Variants in NRXN3 observed in about 807,000 individuals in gnomAD.
NRXN3 encodes neurexin III.
NRXN3 carries 32 observed loss-of-function variants against 137.6 expected under a neutral mutation model. The ratio of observed to expected loss-of-function variants is 0.23; its 90% confidence interval spans 0.18 to 0.31. The LOEUF (loss-of-function observed/expected upper bound fraction) is 0.31. Among genes scored for constraint, NRXN3 ranks in the 10% least tolerant of loss-of-function variants. NRXN3 has a pLI of 1.00. For missense variants in NRXN3, 1,574 were observed against 2,062.5 expected (o/e 0.76, Z 4.59); for synonymous variants, 798 against 784.5 (o/e 1.02, Z -0.29).
intron 16 of NRXN3, among the ~76,000 whole-genome samples, chr14:79,493,049 T>C (rs1306664948): frequency 6.6e-6 from 1 of 152,232 alleles, no homozygotes; most frequent in Non-Finnish European, 1.5e-5. Flanking sequence ...GATATTGAAC[T>C]GGATCAATGG....
intron 10 of NRXN3, among the ~76,000 whole-genome samples, chr14:78,911,299 A>C (rs2099236898): frequency 6.6e-6 from 1 of 152,214 alleles, no homozygotes; most frequent in African/African-American, 2.4e-5. Context: ...GCCTTCAGAT[A>C]TCATCAACTG....
At chr14:78,930,636 C>T (rs770991011) in intron 10 of NRXN3, among the ~76,000 whole-genome samples, 1 of 152,152 alleles carries the variant, frequency 6.6e-6, no homozygotes, top group African/African-American at 2.4e-5. Flanking sequence ...ATACTTTTAT[C>T]TGCGCTGAAG....
intron 15 of NRXN3, among the ~76,000 whole-genome samples, chr14:79,265,450 G>A (rs2078321708): frequency 3.3e-5 from 5 of 151,782 alleles, no homozygotes; most frequent in Admixed American, 3.3e-4. Context: ...AGTGCCAATG[G>A]TAGCTAAAGA....
chr14:79,211,499 C>G (rs1251866222), intron 15 of NRXN3, among the ~76,000 whole-genome samples: 1 of 152,130 alleles, frequency 6.6e-6, no homozygotes, highest in Non-Finnish European at 1.5e-5. Flanking sequence ...TGAAATCTCA[C>G]AGCACAGTGA....
chr14:78,838,305 C>A (rs946999599), intron 10 of NRXN3, among the ~76,000 whole-genome samples: 9 of 152,116 alleles, frequency 5.9e-5, no homozygotes, highest in African/African-American at 2.2e-4. Flanking sequence ...AGGCTAACAA[C>A]CTCACTTAAA....
At chr14:78,323,054 A>G (rs2079584444) in intron 4 of NRXN3, among the ~76,000 whole-genome samples, 1 of 152,044 alleles carries the variant, frequency 6.6e-6, no homozygotes, top group Non-Finnish European at 1.5e-5. Flanking sequence ...ATGTTATAGG[A>G]GAGGAGATTG....
At chr14:79,523,757 G>T (rs900474801) in intron 16 of NRXN3, among the ~76,000 whole-genome samples, 16 of 152,228 alleles carry the variant, frequency 1.1e-4, no homozygotes, top group African/African-American at 3.9e-4. Context: ...TAAGGTGGTT[G>T]TATAAGTATG....
At chr14:79,250,687 T>G (rs565902990) in intron 15 of NRXN3, among the ~76,000 whole-genome samples, 1 of 152,188 alleles carries the variant, frequency 6.6e-6, no homozygotes, top group East Asian at 1.9e-4. Flanking sequence ...AACACACCTA[T>G]CAATAATTAT....
intron 14 of NRXN3, among the ~76,000 whole-genome samples, chr14:78,982,743 T>C (rs1234089993): frequency 6.6e-6 from 1 of 152,158 alleles, no homozygotes; most frequent in African/African-American, 2.4e-5. Flanking sequence ...TGGGCAAGGA[T>C]TTCTTGGATG....
At position 79,861,210 on chromosome 14, in the gene NRXN3, C is replaced by T. The variant is rs746450418; in HGVS notation, c.4094-132C>T. The T allele has an allele frequency of 2.0e-6, 3 of 1,533,526 alleles. No individual in the cohort carries two copies. The highest frequency in any genetic ancestry group is 2.4e-5 in the South Asian group (2 of 83,760). The allele number at this position is 1,533,526 out of a possible 1,614,324, so 95.0% of individuals were successfully genotyped here. On this transcript the variant is annotated intron_variant, in intron 20 of 20. Transcript: ENST00000335750. The surrounding 1 kb of genome is among the most constrained non-coding windows in gnomAD (Gnocchi z 5.4). Reference sequence around the variant, plus strand: ...TCTGAGGCGGGGTTACCTTGCTTGTCGGACCAAGGCAGCGATGGTTGTGAT... The same window carrying T: ...TCTGAGGCGGGGTTACCTTGCTTGTTGGACCAAGGCAGCGATGGTTGTGAT...
At chr14:79,606,767 C>G (rs111983962) in intron 16 of NRXN3, among the ~76,000 whole-genome samples, 1 of 152,166 alleles carries the variant, frequency 6.6e-6, no homozygotes, top group African/African-American at 2.4e-5. Flanking sequence ...TCACGGTTTT[C>G]AAGGAACTCA....
chr14:79,444,016 AC>A (rs1223264689), intron 15 of NRXN3, among the ~76,000 whole-genome samples: 1 of 152,188 alleles, frequency 6.6e-6, no homozygotes, highest in Non-Finnish European at 1.5e-5. Flanking sequence ...AGTTGTTGGC[AC>A]TGGGGGTTCA....
At chr14:79,357,060 A>G (rs2093449925) in intron 15 of NRXN3, among the ~76,000 whole-genome samples, 1 of 152,180 alleles carries the variant, frequency 6.6e-6, no homozygotes, top group Admixed American at 6.5e-5. Context: ...GAATGTGTTG[A>G]AAGATATAAA....
rs369243682 is a variant in NRXN3 at position 79,238,473 on chromosome 14, A to T, written c.3263-228748A>T. 1.7e-4 allele frequency among the ~76,000 whole-genome samples: 26 copies of T among 152,238 alleles called. No homozygotes were observed. In the South Asian group the frequency reaches 2.7e-3, roughly 16 times the overall value. On this transcript the variant is annotated intron_variant, in intron 15 of 20. Coordinates refer to ENST00000335750, the MANE Select transcript of NRXN3 (RefSeq NM_001330195.2). ...AGGAGAGAAGGCGAACCTGAAAAAC[A>T]GTTGTTCGGTCTAATAGTTATCACT...
chr14:78,915,345 CAAAAAAAA>C (rs35908076), intron 10 of NRXN3, among the ~76,000 whole-genome samples: 3 of 11,190 alleles, frequency 2.7e-4, no homozygotes, highest in Admixed American at 1.1e-3. Flanking sequence ...ACGTGTGAAG[CAAAAAAAA>C]AAAAAAAAAA....
At chr14:79,178,958 C>T (rs1430665786) in intron 15 of NRXN3, among the ~76,000 whole-genome samples, 3 of 152,180 alleles carry the variant, frequency 2.0e-5, no homozygotes, top group African/African-American at 7.2e-5. Context: ...CCTTCCAATA[C>T]AAGTCTTCTG....
chr14:79,052,746 C>A (rs1478042016), intron 15 of NRXN3, among the ~76,000 whole-genome samples: 1 of 152,156 alleles, frequency 6.6e-6, no homozygotes, highest in African/African-American at 2.4e-5. Context: ...TGCAAAAATC[C>A]ATTAGACAGG....
chr14:79,393,095 T>C (rs994133007), intron 15 of NRXN3, among the ~76,000 whole-genome samples: 24 of 151,060 alleles, frequency 1.6e-4, no homozygotes, highest in African/African-American at 5.6e-4. Flanking sequence ...AGTCAGCAGG[T>C]AATCTTTTTA....
At chr14:79,565,348 C>CACACAATATGTGT (rs1382372387) in intron 16 of NRXN3, among the ~76,000 whole-genome samples, 2 of 142,064 alleles carry the variant, frequency 1.4e-5, no homozygotes, top group African/African-American at 2.5e-5. Context: ...CATATGTGTG[C>CACACAATATGTGT]GTATATGTAT....
Sources: gnomAD v4.1 joint callset for allele counts (sites outside exome capture counted in the v4.1 genomes callset) on GRCh38, gnomAD v4.1.1 for gene constraint, Gnocchi (gnomAD v3.1) non-coding constraint, MANE v1.5 for transcripts, NCBI Gene and HGNC (gene_info 2026-07-23, HGNC 2026-07-21) for gene names.